The following ANXA8 variants were observed in gnomAD, a reference collection of about 807,000 sequenced individuals.
ANXA8 encodes the protein annexin A8, also known as VAC-beta.
A neutral mutation model predicts 26.8 loss-of-function variants in ANXA8; 9 were observed. The ratio of observed to expected loss-of-function variants is 0.34; its 90% CI spans 0.20 to 0.59. The LOEUF (loss-of-function observed/expected upper bound fraction) is 0.59, where lower values mean the gene tolerates loss of function less well. Among genes scored for constraint, ANXA8 ranks in the 20% least tolerant of loss-of-function variants. ANXA8 has a pLI of 0.84. For missense variants in ANXA8, 83 were observed against 238.5 expected (o/e 0.35, Z 4.29); for synonymous variants, 39 against 94.8 (o/e 0.41, Z 3.42).
At chr10:47,977,953 A>AT in the ANXA8 span, among the ~76,000 whole-genome samples, 2 of 151,188 alleles carry the variant, frequency 1.3e-5, no homozygotes, top group Non-Finnish European at 3.0e-5. Context: ...TGCTCAAGAA[A>AT]TTCAACGAAC....
chr10:47,525,992 C>T, the ANXA8 span, among the ~76,000 whole-genome samples: 6 of 136,716 alleles, frequency 4.4e-5, 1 homozygote, highest in Non-Finnish European at 6.2e-5. Flanking sequence ...TTAGTAGAGA[C>T]GGGGTTTCTC....
chr10:47,671,870 T>C, the ANXA8 span, among the ~76,000 whole-genome samples: 1 of 151,640 alleles, frequency 6.6e-6, no homozygotes, highest in Non-Finnish European at 1.5e-5. Context: ...GTGTTTTGCT[T>C]CTTTTTTTTT....
chr10:47,528,200 C>A, the ANXA8 span, among the ~76,000 whole-genome samples: 1 of 140,410 alleles, frequency 7.1e-6, no homozygotes, highest in African/African-American at 2.6e-5. Context: ...CTGCCTCAGC[C>A]TCCTGATTAG....
the ANXA8 span, chr10:47,757,915 C>G: frequency 6.3e-7 from 1 of 1,584,398 alleles, no homozygotes; most frequent in Non-Finnish European, 8.6e-7. Context: ...GTGACCTTGA[C>G]CATACCTCCA....
At chr10:47,473,861 T>C (rs1839395862) in intron 9 of ANXA8, 109 bp downstream of exon 9, 2 of 263,614 alleles carry the variant, frequency 7.6e-6, no homozygotes, top group East Asian at 4.0e-4. Context: ...CCCGTGAAGG[T>C]GACACAGGGA....
chr10:47,944,473 A>T, the ANXA8 span, among the ~76,000 whole-genome samples: 1 of 150,038 alleles, frequency 6.7e-6, no homozygotes. Flanking sequence ...GGGCCCATCT[A>T]ATCTCCTGAT....
At chr10:47,567,852 G>C in the ANXA8 span, 190 of 334,306 alleles carry the variant, frequency 5.7e-4, 5 homozygotes, top group East Asian at 7.7e-3. Context: ...AGAAATTCAA[G>C]CTTAAAGCAT....
At chr10:47,950,127 TCAGAACAAGAAATATG>T in the ANXA8 span, among the ~76,000 whole-genome samples, 28 of 150,350 alleles carry the variant, frequency 1.9e-4, no homozygotes, top group South Asian at 8.4e-4. Context: ...AAAGTAAACT[TCAGAACAAGAAATATG>T]CAGAACAAGA....
the ANXA8 span, among the ~76,000 whole-genome samples, chr10:47,954,191 G>A: frequency 3.3e-5 from 5 of 150,502 alleles, 1 homozygote; most frequent in Admixed American, 1.3e-4. Context: ...ACATATATAC[G>A]ATGGAGTACG....
At chr10:47,521,766 T>TA in the ANXA8 span, among the ~76,000 whole-genome samples, 4 of 151,372 alleles carry the variant, frequency 2.6e-5, no homozygotes, top group Non-Finnish European at 4.4e-5. Context: ...GTGTAGAGAC[T>TA]AAAAAACTCC....
chr10:47,942,047 T>C, the ANXA8 span, among the ~76,000 whole-genome samples: 1 of 147,888 alleles, frequency 6.8e-6, no homozygotes, highest in South Asian at 2.1e-4. Flanking sequence ...AATCAGTTGC[T>C]AAGCCGCAGA....
chr10:47,962,671 C>CACAAGTGTAT, the ANXA8 span, among the ~76,000 whole-genome samples: 1 of 141,518 alleles, frequency 7.1e-6, no homozygotes, highest in Non-Finnish European at 1.6e-5. Context: ...CTTATAAGCA[C>CACAAGTGTAT]ACACAGTCCT....
At chr10:47,744,933 T>C in the ANXA8 span, among the ~76,000 whole-genome samples, 4 of 151,986 alleles carry the variant, frequency 2.6e-5, no homozygotes, top group Admixed American at 2.6e-4. Context: ...GCATTTAAAA[T>C]GTCCAATCCC....
upstream of ANXA8, among the ~76,000 whole-genome samples, chr10:47,486,859 G>A (rs1840058711): frequency 6.9e-6 from 1 of 145,054 alleles, no homozygotes; most frequent in Non-Finnish European, 1.5e-5. Flanking sequence ...TGTAGTCCAA[G>A]CTACTTGGGA....
the ANXA8 span, chr10:47,510,153 C>T: frequency 8.4e-7 from 1 of 1,188,134 alleles, no homozygotes; most frequent in African/African-American, 1.7e-5. Flanking sequence ...TGTCCCTCGG[C>T]AGCATAGTTG....
the ANXA8 span, among the ~76,000 whole-genome samples, chr10:47,777,973 G>A: frequency 4.0e-5 from 6 of 151,680 alleles, no homozygotes; most frequent in Admixed American, 3.9e-4. Flanking sequence ...TTGGTGGGTA[G>A]GGGTCGGTTG....
the ANXA8 span, among the ~76,000 whole-genome samples, chr10:47,544,158 T>C: frequency 6.6e-6 from 1 of 151,924 alleles, no homozygotes. Flanking sequence ...CCACATCCTG[T>C]AGCCTTAAAT....
At chr10:47,691,658 C>T in the ANXA8 span, among the ~76,000 whole-genome samples, 1 of 150,660 alleles carries the variant, frequency 6.6e-6, no homozygotes, top group African/African-American at 2.5e-5. Context: ...ACCCAGGAGG[C>T]TGACATGAGA....
the ANXA8 span, chr10:47,491,725 T>G: frequency 1.8e-5 from 28 of 1,545,294 alleles, no homozygotes; most frequent in East Asian, 6.6e-4. Context: ...TGGCCCAACA[T>G]GCTTTTATAG....
Sources: gnomAD v4.1 joint callset for allele counts (sites outside exome capture counted in the v4.1 genomes callset) on GRCh38, gnomAD v4.1.1 for gene constraint, MANE v1.5 for transcripts, NCBI Gene and HGNC (gene_info 2026-07-23, HGNC 2026-07-21) for gene names.